ERN1: variants seen among roughly 807,000 people sequenced by gnomAD.
ERN1 encodes serine/threonine-protein kinase/endoribonuclease IRE1.
Under a neutral mutation model 113.1 loss-of-function variants are expected in ERN1, and 39 were observed. That is an observed-to-expected ratio of 0.34 (90% confidence interval 0.27 to 0.45). ERN1 has a LOEUF of 0.45. Among genes scored for constraint, ERN1 ranks in the 20% least tolerant of loss-of-function variants. ERN1 has a pLI of 1.00. For synonymous variants in ERN1, 507 were observed against 515.9 expected (o/e 0.98, Z 0.23); for missense variants, 976 against 1,274.8 (o/e 0.77, Z 3.57).
At chr17:64,072,405 T>C (rs1323252292) in intron 5 of ERN1, among the ~76,000 whole-genome samples, 2 of 152,260 alleles carry the variant, frequency 1.3e-5, no homozygotes, top group Non-Finnish European at 2.9e-5. Context: ...TGAGTGGCTT[T>C]AAATATGAAA....
At chr17:64,117,843 C>CA (rs1914851504) in intron 1 of ERN1, among the ~76,000 whole-genome samples, 1 of 152,234 alleles carries the variant, frequency 6.6e-6, no homozygotes, top group African/African-American at 2.4e-5. Context: ...CACCTTATCA[C>CA]ATTCTATATA....
Position 64,042,640 on chromosome 17 carries a change from G to A in ERN1, c.*1348C>T, listed in dbSNP as rs1247652520. The A allele has an allele frequency of 2.0e-5, 3 of 151,950 alleles. No individual in the cohort carries two copies. Among genetic ancestry groups the A allele is most frequent in the Non-Finnish European group, 4.4e-5 (3 of 67,992 alleles). The allele number at this position is 151,950 out of a possible 1,614,324, so 9.4% of individuals were successfully genotyped here. ...AGGCTCTCGGGAGAGAAAAGACAAAGTTTTGACTGAAACTAAAGCTAAAAA... is the reference window on the plus strand; with the variant it reads ...AGGCTCTCGGGAGAGAAAAGACAAAATTTTGACTGAAACTAAAGCTAAAAA... On this transcript the variant is annotated 3_prime_UTR_variant, in exon 22 of 22. Transcript: ENST00000433197.
In ERN1 at chr17:64,081,607, T is replaced by A. The variant is rs143900730; in HGVS notation, c.176-799A>T. The stretch of plus-strand genomic sequence containing the variant: ...ATGCAACTATGGGGAAAGGCTTCAA[T>A]GTACCTAATTAGATGGAAAGATCAA... On this transcript the variant is annotated intron_variant, in intron 2 of 21. Coordinates refer to ENST00000433197, the MANE Select transcript of ERN1 (RefSeq NM_001433.5). 1.9e-3 allele frequency among the ~76,000 whole-genome samples: 291 copies of A among 152,328 alleles called. 1 individual carries two copies. The highest frequency in any genetic ancestry group is 6.6e-3 in the African/African-American group (275 of 41,570).
At chr17:64,080,887 C>A in intron 2 of ERN1, 79 bp from the exon 3 acceptor site, 2 of 1,414,344 alleles carry the variant, frequency 1.4e-6, no homozygotes, top group Non-Finnish European at 2.0e-6. Flanking sequence ...AGGACCAGGC[C>A]AAGTTGTACC....
chr17:64,071,713 C>T (rs1382014758), intron 6 of ERN1, among the ~76,000 whole-genome samples: 2 of 152,164 alleles, frequency 1.3e-5, no homozygotes, highest in East Asian at 1.9e-4. Context: ...TGAGCCACCA[C>T]GCCCGGCCAG....
rs141374037 is a variant in ERN1, at chr17:64,084,323, G to A, written c.176-3515C>T. ...GTTGCCAAACTCTGTGGTCTGTTTC[G>A]ATGCCAACCATAATTCTGTGTCCTG... On this transcript the variant is annotated intron_variant, in intron 2 of 21. Transcript: ENST00000433197. 1.6e-4 allele frequency among the ~76,000 whole-genome samples: 25 copies of A among 152,158 alleles called. No homozygotes were observed. The East Asian group carries it at 4.4e-3, about 27-fold the overall frequency.
chr17:64,119,376 G>GTTGTTTTTTTTTT lies in ERN1; in HGVS notation c.54+10599_54+10600insAAAAAAAAAACAA, dbSNP rs777806993. ...TAATATTAGGTTCCTTTTTTTCTAG[G>GTTGTTTTTTTTTT]TTTTTTTTTTTTTTTTTTTTTTTTT... On this transcript the variant is annotated intron_variant, in intron 1 of 21. Coordinates refer to ENST00000433197, the MANE Select transcript of ERN1 (RefSeq NM_001433.5). Among the ~76,000 whole-genome samples the GTTGTTTTTTTTTT allele has an allele frequency of 3.2e-4, 25 of 77,912 alleles. 4 individuals are homozygous for GTTGTTTTTTTTTT. Among genetic ancestry groups the GTTGTTTTTTTTTT allele is most frequent in the African/African-American group, 1.2e-3 (22 of 17,954 alleles). The allele number at this position is 77,912 out of a possible 152,430, so 51.1% of individuals were successfully genotyped here.
chr17:64,122,471 A>G (rs1914979122), intron 1 of ERN1, among the ~76,000 whole-genome samples: 1 of 152,182 alleles, frequency 6.6e-6, no homozygotes, highest in Non-Finnish European at 1.5e-5. Flanking sequence ...GATTCCAGTT[A>G]TCTTGGGAGG....
At chr17:64,105,667 T>C (rs1914505964) in intron 1 of ERN1, among the ~76,000 whole-genome samples, 1 of 152,156 alleles carries the variant, frequency 6.6e-6, no homozygotes, top group Non-Finnish European at 1.5e-5. Flanking sequence ...GTTTTATTTA[T>C]TTAAGGTTAA....
Position 64,048,592 on chromosome 17 carries a change from A to C in ERN1, c.2401+463T>G, listed in dbSNP as rs142528862. ...CCACCCAGGAAAACCTGAAGTCTGG[A>C]AGAAAGACTTGTTGCACCCATACCA... On this transcript the variant is annotated intron_variant, in intron 18 of 21. Transcript: ENST00000433197. Among the ~76,000 whole-genome samples the C allele has an allele frequency of 6.4e-3, 973 of 152,278 alleles. 8 individuals carry two copies. Among genetic ancestry groups the C allele is most frequent in the African/African-American group, 0.023 (937 of 41,550 alleles).
At chr17:64,122,568 C>T (rs1282306168) in intron 1 of ERN1, among the ~76,000 whole-genome samples, 1 of 152,126 alleles carries the variant, frequency 6.6e-6, no homozygotes, top group Non-Finnish European at 1.5e-5. Flanking sequence ...ACTTTTGAAT[C>T]CCCTAAATGG....
rs555710828 is a variant in ERN1, at chr17:64,079,943, T to C, written c.210-209A>G. 1.4e-3 allele frequency among the ~76,000 whole-genome samples: 208 copies of C among 152,180 alleles called. 1 individual carries two copies. Among genetic ancestry groups the C allele is most frequent in the African/African-American group, 4.9e-3 (205 of 41,510 alleles). ...AATACCCCTATGGTGGTATACACTA[T>C]CCTTGAGTGGAGAAAAGCGGCCTGA... is the stretch of plus-strand genomic sequence containing the variant. On this transcript the variant is annotated intron_variant, in intron 3 of 21. Coordinates refer to ENST00000433197, the MANE Select transcript of ERN1 (RefSeq NM_001433.5).
Position 64,129,662 on chromosome 17 carries a change from C to G in ERN1, c.54+314G>C, listed in dbSNP as rs932119667. On this transcript the variant is annotated intron_variant, in intron 1 of 21. Coordinates refer to ENST00000433197, the MANE Select transcript of ERN1 (RefSeq NM_001433.5). Reference sequence around the variant, plus strand: ...GGGGCCTTCTGGGACCCCCAAGTGCCGTGCAGGACGCCACGAAGTTGCGCC... The same window carrying G: ...GGGGCCTTCTGGGACCCCCAAGTGCGGTGCAGGACGCCACGAAGTTGCGCC... The G allele has an allele frequency of 1.1e-5, 4 of 371,446 alleles. No individual in the cohort carries two copies. In the East Asian group the frequency reaches 1.6e-4, roughly 15 times the overall value. 23.0% of individuals were successfully genotyped at this position (371,446 alleles called of 1,614,324 possible).
chr17:64,119,634 C>T (rs546990524), intron 1 of ERN1, among the ~76,000 whole-genome samples: 79 of 151,924 alleles, frequency 5.2e-4, no homozygotes, highest in African/African-American at 1.8e-3. Context: ...TCAGATGATC[C>T]GCCCGTCTCA....
chr17:64,055,787 GCTCT>G lies in ERN1; in HGVS notation c.1556_1559del (p.Glu519AlafsTer45). 6.3e-7 allele frequency: 1 copy of G among 1,598,824 alleles called. No individual in the cohort carries two copies. Among genetic ancestry groups the G allele is most frequent in the Non-Finnish European group, 8.5e-7 (1 of 1,173,202 alleles). ...ACGTGCTGGGGCTGCTGGTGCCCGA[GCTCT>G]CTGAGTACGGGCCAGACGTGTCCAG... On this transcript the variant is annotated frameshift_variant, in exon 13 of 22. Transcript: ENST00000433197. LOFTEE classifies it high-confidence loss of function.
chr17:64,060,077 AC>A (rs1449329142), intron 11 of ERN1, among the ~76,000 whole-genome samples: 3 of 149,764 alleles, frequency 2.0e-5, no homozygotes, highest in Non-Finnish European at 4.4e-5. Flanking sequence ...ATTTCCTACT[AC>A]CCCCTACTTA....
chr17:64,096,432 C>G (rs1040421848), intron 2 of ERN1, among the ~76,000 whole-genome samples: 2 of 152,204 alleles, frequency 1.3e-5, no homozygotes, highest in Non-Finnish European at 2.9e-5. Flanking sequence ...AAGCTCAGGG[C>G]TCCTACTGAT....
At chr17:64,086,371 A>G (rs1348515531) in intron 2 of ERN1, among the ~76,000 whole-genome samples, 1 of 152,190 alleles carries the variant, frequency 6.6e-6, no homozygotes, top group Non-Finnish European at 1.5e-5. Context: ...ACCACGTCAT[A>G]GATACTCATT....
chr17:64,080,641 A>G (rs762225447), intron 3 of ERN1, 134 bp downstream of exon 3: 8 of 768,012 alleles, frequency 1.0e-5, no homozygotes, highest in African/African-American at 1.8e-5. Flanking sequence ...TAGCACCTGT[A>G]AGACTTTATA....
Sources: allele counts gnomAD v4.1 joint callset (sites outside exome capture counted in the v4.1 genomes callset), GRCh38; gene constraint gnomAD v4.1.1; transcripts MANE v1.5; gene names NCBI Gene and HGNC (gene_info 2026-07-23, HGNC 2026-07-21).